The following TTLL5 variants were observed in gnomAD, a reference collection of about 807,000 sequenced individuals.
The protein encoded by TTLL5 is tubulin tyrosine ligase like 5, also known as tubulin polyglutamylase TTLL5.
Under a neutral mutation model 168.4 loss-of-function variants are expected in TTLL5, and 132 were observed. The observed-to-expected ratio is 0.78, with a 90% CI of 0.68 to 0.91. The LOEUF (loss-of-function observed/expected upper bound fraction) is 0.91. TTLL5 is among the 40% of genes least tolerant of loss of function. The pLI is 0.00. For synonymous variants in TTLL5, 546 were observed against 558.6 expected (o/e 0.98, Z 0.32); for missense variants, 1,545 against 1,581.5 (o/e 0.98, Z 0.39).
Position 75,757,140 on chromosome 14 carries a change from G to A in TTLL5, c.1550+4185G>A, listed in dbSNP as rs568358602. On this transcript the variant is annotated intron_variant, in intron 18 of 31. Coordinates refer to ENST00000298832, the MANE Select transcript of TTLL5 (RefSeq NM_015072.5). ...TTACAGGTGCACGCCACCACGCCTG[G>A]CTGATTTTCTGTATTTTAGTAGAGA... is the stretch of plus-strand genomic sequence containing the variant. Among the ~76,000 whole-genome samples, 6 of 152,140 alleles carry A rather than the reference G, an allele frequency of 3.9e-5. No individual in the cohort carries two copies. In the South Asian group the frequency reaches 1.2e-3, roughly 32 times the overall value.
At chr14:75,914,033 A>AAAAAAAAAAAAAAAAAT in intron 31 of TTLL5, among the ~76,000 whole-genome samples, 1 of 71,102 alleles carries the variant, frequency 1.4e-5, no homozygotes, top group South Asian at 5.5e-4. Flanking sequence ...AAAAAAAAAA[A>AAAAAAAAAAAAAAAAAT]ATATATATAT....
At chr14:75,779,158 C>T (rs1891898727) in intron 23 of TTLL5, among the ~76,000 whole-genome samples, 2 of 152,282 alleles carry the variant, frequency 1.3e-5, no homozygotes, top group African/African-American at 4.8e-5. Context: ...GCCATAAAAA[C>T]AAGTCGCTGG....
chr14:75,946,407 G>C (rs2034773708), intron 31 of TTLL5, among the ~76,000 whole-genome samples: 1 of 152,178 alleles, frequency 6.6e-6, no homozygotes, highest in Non-Finnish European at 1.5e-5. Context: ...AGAGAAAGTG[G>C]AATGAGATAG....
At chr14:75,722,973 T>C (rs7147053) in intron 12 of TTLL5, among the ~76,000 whole-genome samples, 151,471 of 152,310 alleles carry the variant, frequency 0.99, 75,320 homozygotes, top group Middle Eastern at 1. Context: ...TGCTCTGCCC[T>C]TATACCCCCA....
chr14:75,752,037 C>T (rs537772862), intron 17 of TTLL5, among the ~76,000 whole-genome samples: 21 of 152,266 alleles, frequency 1.4e-4, no homozygotes, highest in African/African-American at 4.6e-4. Context: ...TGTAAACTGT[C>T]GTGGTGCTGG....
intron 28 of TTLL5, among the ~76,000 whole-genome samples, chr14:75,840,946 G>A (rs1896195253): frequency 6.6e-6 from 1 of 152,208 alleles, no homozygotes; most frequent in African/African-American, 2.4e-5. Context: ...TCTGGTAGGG[G>A]CCTCAGAAGC....
At chr14:75,899,788 C>G (rs2032838129) in intron 30 of TTLL5, among the ~76,000 whole-genome samples, 3 of 151,920 alleles carry the variant, frequency 2.0e-5, no homozygotes, top group Admixed American at 2.0e-4. Flanking sequence ...ATTGGGGGTT[C>G]CAGAGAGGAG....
intron 21 of TTLL5, among the ~76,000 whole-genome samples, chr14:75,773,205 T>C (rs753072163): frequency 6.6e-6 from 1 of 152,224 alleles, no homozygotes; most frequent in Non-Finnish European, 1.5e-5. Context: ...GTGTTGTGAA[T>C]AATCCTTCAA....
intron 2 of TTLL5, among the ~76,000 whole-genome samples, chr14:75,667,761 T>G (rs1184840405): frequency 7.0e-6 from 1 of 143,818 alleles, no homozygotes; most frequent in Non-Finnish European, 1.5e-5. Flanking sequence ...GTTTTTTTTT[T>G]TTTTTTTTTT....
intron 9 of TTLL5, among the ~76,000 whole-genome samples, chr14:75,714,517 T>C (rs1168414009): frequency 6.6e-6 from 1 of 152,176 alleles, no homozygotes; most frequent in Non-Finnish European, 1.5e-5. Flanking sequence ...AGGAAGAGCT[T>C]TATCTTCTCG....
chr14:75,683,301 A>T (rs1247523606), intron 4 of TTLL5, among the ~76,000 whole-genome samples: 1 of 152,252 alleles, frequency 6.6e-6, no homozygotes, highest in African/African-American at 2.4e-5. Flanking sequence ...ATTAAGAGAC[A>T]TCATGGGTTT....
chr14:75,824,613 C>T (rs1895015172), intron 28 of TTLL5, among the ~76,000 whole-genome samples: 1 of 151,892 alleles, frequency 6.6e-6, no homozygotes, highest in Non-Finnish European at 1.5e-5. Flanking sequence ...TATAGAGTTT[C>T]AGCTGTGAAA....
intron 18 of TTLL5, among the ~76,000 whole-genome samples, chr14:75,762,108 G>T (rs1463045971): frequency 6.6e-6 from 1 of 152,008 alleles, no homozygotes; most frequent in East Asian, 1.9e-4. Flanking sequence ...AAAAAAAAAT[G>T]TTGGGGGCTG....
At chr14:75,897,212 A>G (rs1329297816) in intron 30 of TTLL5, among the ~76,000 whole-genome samples, 1 of 152,142 alleles carries the variant, frequency 6.6e-6, no homozygotes, top group Non-Finnish European at 1.5e-5. Context: ...GAGTAGATAG[A>G]TGTGAAGCAA....
chr14:75,907,675 A>C (rs1039570228), intron 31 of TTLL5, among the ~76,000 whole-genome samples: 3 of 152,220 alleles, frequency 2.0e-5, no homozygotes, highest in African/African-American at 7.2e-5. Flanking sequence ...AGGGAACACC[A>C]AATCCATGGC....
At chr14:75,821,518 A>G (rs117866842) in intron 28 of TTLL5, among the ~76,000 whole-genome samples, 2 of 152,232 alleles carry the variant, frequency 1.3e-5, no homozygotes, top group African/African-American at 4.8e-5. Flanking sequence ...TCTGTATGAC[A>G]AGGCTACAGG....
At chr14:75,902,965 C>T (rs960706313) in intron 31 of TTLL5, among the ~76,000 whole-genome samples, 2 of 152,244 alleles carry the variant, frequency 1.3e-5, no homozygotes, top group Admixed American at 6.5e-5. Flanking sequence ...AGGGAATGTG[C>T]TGCAAAGTGG....
chr14:75,745,017 A>C (rs1275206727), intron 15 of TTLL5, 78 bp from the exon 16 acceptor site: 1 of 1,108,350 alleles, frequency 9.0e-7, no homozygotes. Context: ...AATGATGTTG[A>C]GGGAATGAAC....
intron 4 of TTLL5, among the ~76,000 whole-genome samples, chr14:75,683,244 T>C (rs1884769204): frequency 6.6e-6 from 1 of 152,248 alleles, no homozygotes; most frequent in South Asian, 2.1e-4. Context: ...CACTTCATAC[T>C]CAGTTTCTGC....
Sources: allele counts gnomAD v4.1 joint callset (sites outside exome capture counted in the v4.1 genomes callset), GRCh38; gene constraint gnomAD v4.1.1; transcripts MANE v1.5; gene names NCBI Gene and HGNC (gene_info 2026-07-23, HGNC 2026-07-21).